Variants in CDH12 observed in about 807,000 individuals in gnomAD.
CDH12 encodes the protein cadherin 12, also known as cadherin-12.
CDH12 carries 41 observed loss-of-function variants against 74.1 expected under a neutral mutation model. The observed-to-expected ratio is 0.55, with a 90% CI of 0.43 to 0.72. The LOEUF (loss-of-function observed/expected upper bound fraction) is 0.72, where lower values mean the gene tolerates loss of function less well. CDH12 is among the 30% of genes least tolerant of loss of function. The pLI, the probability that CDH12 is intolerant of heterozygous loss-of-function variation, is 0.00. For missense variants in CDH12, 945 were observed against 977.2 expected (o/e 0.97, Z 0.44); for synonymous variants, 399 against 355.0 (o/e 1.12, Z -1.39).
At chr5:22,153,923 CACACAA>C (rs1307376764) in intron 4 of CDH12, among the ~76,000 whole-genome samples, 2 of 143,794 alleles carry the variant, frequency 1.4e-5, no homozygotes, top group Non-Finnish European at 1.5e-5. Context: ...TACACACACA[CACACAA>C]ACATATATAT....
intron 2 of CDH12, among the ~76,000 whole-genome samples, chr5:22,444,261 T>C (rs142829015): frequency 6.6e-6 from 1 of 152,212 alleles, no homozygotes; most frequent in East Asian, 1.9e-4. Context: ...CACACACTTT[T>C]AGATATGTTA....
At chr5:21,973,397 A>C (rs1756937639) in intron 6 of CDH12, among the ~76,000 whole-genome samples, 1 of 152,168 alleles carries the variant, frequency 6.6e-6, no homozygotes. Context: ...CTCCAACTGC[A>C]AAAGCTGAAA....
chr5:22,849,848 T>G (rs1469226525), intron 1 of CDH12, among the ~76,000 whole-genome samples: 1 of 152,024 alleles, frequency 6.6e-6, no homozygotes, highest in Non-Finnish European at 1.5e-5. Flanking sequence ...GGAGCAAGGG[T>G]TATGAAAGAA....
intron 6 of CDH12, among the ~76,000 whole-genome samples, chr5:21,946,127 A>G (rs1388895881): frequency 6.6e-6 from 1 of 152,182 alleles, no homozygotes; most frequent in Non-Finnish European, 1.5e-5. Context: ...TGAAGTACTG[A>G]AGGAACAGAA....
At chr5:22,629,523 C>G (rs1243033254) in intron 1 of CDH12, among the ~76,000 whole-genome samples, 1 of 152,054 alleles carries the variant, frequency 6.6e-6, no homozygotes, top group Non-Finnish European at 1.5e-5. Flanking sequence ...ACGATCATCT[C>G]AATAGATATA....
In CDH12 at chr5:22,726,843, G is replaced by A. The variant is rs1438240481; in HGVS notation, c.-523+126215C>T. Among the ~76,000 whole-genome samples the A allele has an allele frequency of 1.3e-5, 2 of 151,728 alleles. 1 individual carries two copies. Among genetic ancestry groups the A allele is most frequent in the East Asian group, 3.9e-4 (2 of 5,180 alleles). ...AGAAGTAATACAAACAGGACCTATA[G>A]TGATTGCTAGAGCAGTGGATTATAT... On this transcript the variant is annotated intron_variant, in intron 1 of 14. Coordinates refer to ENST00000382254, the MANE Select transcript of CDH12 (RefSeq NM_004061.5).
At chr5:21,866,755 T>A (rs545428111) in intron 6 of CDH12, among the ~76,000 whole-genome samples, 12 of 152,208 alleles carry the variant, frequency 7.9e-5, no homozygotes, top group African/African-American at 2.9e-4. Context: ...GCTGCAGAAA[T>A]TTGCATAAGT....
At position 22,126,613 on chromosome 5, in the gene CDH12, G is replaced by T. The variant is rs374949359; in HGVS notation, c.-186-47751C>A. 7.2e-5 allele frequency among the ~76,000 whole-genome samples: 11 copies of T among 152,256 alleles called. No homozygotes were observed. In the East Asian group the frequency reaches 1.2e-3, roughly 16 times the overall value. On this transcript the variant is annotated intron_variant, in intron 4 of 14. Transcript: ENST00000382254. ...GTTTGTTTTACTATAGCCATTTCTT[G>T]TTCTATTCTATTTGAGTATTTGCTC...
At chr5:22,551,196 C>T (rs1371025081) in intron 1 of CDH12, among the ~76,000 whole-genome samples, 1 of 152,148 alleles carries the variant, frequency 6.6e-6, no homozygotes, top group Non-Finnish European at 1.5e-5. Context: ...ATATCTGTCT[C>T]TCTGAGCATG....
intron 4 of CDH12, among the ~76,000 whole-genome samples, chr5:22,080,445 T>C (rs1033570882): frequency 6.6e-6 from 1 of 152,190 alleles, no homozygotes; most frequent in Non-Finnish European, 1.5e-5. Context: ...TAAATTTTTT[T>C]CTTCTTTATA....
chr5:21,841,609 A>G (rs1343935098), intron 8 of CDH12, among the ~76,000 whole-genome samples: 1 of 150,898 alleles, frequency 6.6e-6, no homozygotes, highest in Non-Finnish European at 1.5e-5. Context: ...GAACCAACCC[A>G]AATGTCCAAC....
At chr5:22,429,772 A>G (rs1461404566) in intron 2 of CDH12, among the ~76,000 whole-genome samples, 6 of 151,934 alleles carry the variant, frequency 3.9e-5, no homozygotes, top group African/African-American at 1.5e-4. Context: ...TGTCATCTTG[A>G]CAACATCTAC....
intron 1 of CDH12, among the ~76,000 whole-genome samples, chr5:22,734,894 A>T (rs373646523): frequency 1.3e-5 from 2 of 151,972 alleles, no homozygotes; most frequent in East Asian, 1.9e-4. Flanking sequence ...TATCAATAAG[A>T]CAATGAGTGC....
At chr5:21,804,678 A>G (rs1747335101) in intron 9 of CDH12, among the ~76,000 whole-genome samples, 1 of 151,734 alleles carries the variant, frequency 6.6e-6, no homozygotes, top group Non-Finnish European at 1.5e-5. Context: ...ACACACACAC[A>G]CACACACACA....
At chr5:21,974,510 A>G (rs1353342561) in intron 6 of CDH12, among the ~76,000 whole-genome samples, 1 of 152,066 alleles carries the variant, frequency 6.6e-6, no homozygotes, top group Admixed American at 6.6e-5. Context: ...TTGTAATTGT[A>G]ATTTGTTAAT....
intron 1 of CDH12, among the ~76,000 whole-genome samples, chr5:22,848,897 G>A (rs1489223997): frequency 6.6e-6 from 1 of 151,832 alleles, no homozygotes; most frequent in Admixed American, 6.6e-5. Flanking sequence ...TATGCTGTAC[G>A]TAAGTGTGGA....
rs1374629549 is a variant in CDH12 at position 22,139,202 on chromosome 5, T to TA, written c.-186-60341dup. 3 of 149,130 alleles carry TA rather than the reference T, an allele frequency of 2.0e-5. No individual in the cohort carries two copies. In the Admixed American group the frequency reaches 2.0e-4, roughly 10 times the overall value. The allele number at this position is 149,130 out of a possible 1,614,324, so 9.2% of individuals were successfully genotyped here. ...GTCTTTATATTTAAAATGTGCATGTTATATTGCCAGTTTTTACTGAGCACA... is the reference window on the plus strand; with the variant it reads ...GTCTTTATATTTAAAATGTGCATGTTAATATTGCCAGTTTTTACTGAGCACA... On this transcript the variant is annotated intron_variant, in intron 4 of 14. Coordinates refer to ENST00000382254, the MANE Select transcript of CDH12 (RefSeq NM_004061.5).
Position 22,283,235 on chromosome 5 carries a change from T to C in CDH12, c.-332-70592A>G, listed in dbSNP as rs1340500009. ...ATATATAGATATATATATATATATATATATATATATATATATACACACACA... is the reference window on the plus strand; with the variant it reads ...ATATATAGATATATATATATATATACATATATATATATATATACACACACA... On this transcript the variant is annotated intron_variant, in intron 3 of 14. Transcript: ENST00000382254. 6.7e-3 allele frequency among the ~76,000 whole-genome samples: 505 copies of C among 75,680 alleles called. 1 individual carries two copies. Among genetic ancestry groups the C allele is most frequent in the Non-Finnish European group, 9.5e-3 (355 of 37,342 alleles). The allele number at this position is 75,680 out of a possible 152,430, so 49.6% of individuals were successfully genotyped here. A position where few individuals can be genotyped will look rare whatever the true frequency, so the allele number is the denominator to read the frequency against.
At chr5:21,770,478 G>A (rs1273301636) in intron 11 of CDH12, among the ~76,000 whole-genome samples, 1 of 151,948 alleles carries the variant, frequency 6.6e-6, no homozygotes, top group Non-Finnish European at 1.5e-5. Context: ...ACAAAAAGTA[G>A]CTGGGCATGG....
Sources: gnomAD v4.1 joint callset for allele counts (sites outside exome capture counted in the v4.1 genomes callset) on GRCh38, gnomAD v4.1.1 for gene constraint, MANE v1.5 for transcripts, NCBI Gene and HGNC (gene_info 2026-07-23, HGNC 2026-07-21) for gene names.